PCBP3: variants seen among roughly 807,000 people sequenced by gnomAD.
PCBP3 encodes poly(rC)-binding protein 3.
Under a neutral mutation model 52.7 loss-of-function variants are expected in PCBP3, and 25 were observed. That is an observed-to-expected ratio of 0.47 (90% CI 0.35 to 0.66). The LOEUF is 0.66. PCBP3 is among the 30% of genes least tolerant of loss of function. PCBP3 has a pLI of 0.01. For missense variants in PCBP3, 391 were observed against 490.3 expected (o/e 0.80, Z 1.91); for synonymous variants, 162 against 183.0 (o/e 0.89, Z 0.93).
At chr21:45,723,804 C>T (rs1338878682) in intron 2 of PCBP3, among the ~76,000 whole-genome samples, 1 of 152,150 alleles carries the variant, frequency 6.6e-6, no homozygotes, top group East Asian at 1.9e-4. Context: ...TCAGTCATGT[C>T]ATGGCCATGC....
chr21:45,665,402 C>A (rs1673238613), intron 1 of PCBP3, among the ~76,000 whole-genome samples: 1 of 151,770 alleles, frequency 6.6e-6, no homozygotes, highest in Non-Finnish European at 1.5e-5. Context: ...AGTGAGATCC[C>A]ACCTTTAAAA....
chr21:45,872,414 T>G (rs1366091183), intron 5 of PCBP3: 1 of 152,256 alleles, frequency 6.6e-6, no homozygotes, highest in Non-Finnish European at 1.5e-5. Flanking sequence ...AGCTCCGTGC[T>G]GTACCCACCC....
At chr21:45,779,692 A>G (rs1199809330) in intron 4 of PCBP3, among the ~76,000 whole-genome samples, 1 of 152,224 alleles carries the variant, frequency 6.6e-6, no homozygotes. Context: ...AATATTGCCA[A>G]CAGAAATTGT....
At chr21:45,887,209 G>A (rs958939353) in intron 5 of PCBP3, among the ~76,000 whole-genome samples, 3 of 152,198 alleles carry the variant, frequency 2.0e-5, no homozygotes, top group African/African-American at 7.2e-5. Flanking sequence ...CCTTTCCTAC[G>A]CATTTCAGTC....
intron 13 of PCBP3, among the ~76,000 whole-genome samples, chr21:45,921,578 G>T (rs1464370069): frequency 6.6e-6 from 1 of 152,228 alleles, no homozygotes; most frequent in East Asian, 1.9e-4. Flanking sequence ...CCCTTTGGGA[G>T]GCTGAGGCAG....
At chr21:45,698,444 T>G (rs900795776) in intron 2 of PCBP3, among the ~76,000 whole-genome samples, 1 of 152,252 alleles carries the variant, frequency 6.6e-6, no homozygotes, top group African/African-American at 2.4e-5. Context: ...TTTGTTGGGC[T>G]GAATTTCTAG....
chr21:45,692,234 A>G (rs2082526964), intron 2 of PCBP3, among the ~76,000 whole-genome samples: 1 of 152,194 alleles, frequency 6.6e-6, no homozygotes. Context: ...TTGTAACTCA[A>G]AAAACTAGAA....
At chr21:45,825,088 A>G (rs754662070) in intron 4 of PCBP3, among the ~76,000 whole-genome samples, 24 of 152,178 alleles carry the variant, frequency 1.6e-4, no homozygotes, top group Non-Finnish European at 2.8e-4. Flanking sequence ...TGGCCTGCAT[A>G]CAGCAGGTGT....
At chr21:45,861,762 G>A (rs2094519026) in intron 5 of PCBP3, among the ~76,000 whole-genome samples, 1 of 152,084 alleles carries the variant, frequency 6.6e-6, no homozygotes, top group Non-Finnish European at 1.5e-5. Flanking sequence ...GCCTCCTTTG[G>A]CCCCAAAATT....
intron 2 of PCBP3, among the ~76,000 whole-genome samples, chr21:45,719,061 G>A (rs1019247482): frequency 1.3e-5 from 2 of 152,122 alleles, no homozygotes; most frequent in Admixed American, 6.5e-5. Context: ...CTAATGGGAC[G>A]GGAGGTCAGT....
intron 9 of PCBP3, chr21:45,901,693 GAGAGAGAGAGAGGAAGAC>G (rs2096052994): frequency 1.4e-5 from 2 of 146,340 alleles, no homozygotes; most frequent in Non-Finnish European, 2.9e-5. Flanking sequence ...ACAGAGAGAT[GAGAGAGAGAGAGGAAGAC>G]AGAGAGAGAG....
intron 2 of PCBP3, among the ~76,000 whole-genome samples, chr21:45,671,982 T>C (rs954721395): frequency 1.1e-4 from 17 of 152,116 alleles, no homozygotes. Context: ...GGGAGTGCTA[T>C]GGTTTGAATA....
In PCBP3 at chr21:45,900,923, C is replaced by T. The variant is rs574371148; in HGVS notation, c.223-74C>T. On this transcript the variant is annotated intron_variant, in intron 8 of 17. Transcript: ENST00000681687. ...GGCATGTGTTTGTGTCAATTGTCAA[C>T]GGACTTGCGGCCCCCGACCCACTGG... is the stretch of plus-strand genomic sequence containing the variant. 1.4e-4 allele frequency: 144 copies of T among 995,350 alleles called. No individual in the cohort carries two copies. The Admixed American group carries it at 1.7e-3, about 12-fold the overall frequency. 61.7% of individuals were successfully genotyped at this position (995,350 alleles called of 1,614,324 possible).
intron 5 of PCBP3, among the ~76,000 whole-genome samples, chr21:45,888,803 T>A (rs560077049): frequency 6.6e-6 from 1 of 152,278 alleles, no homozygotes; most frequent in Non-Finnish European, 1.5e-5. Context: ...AGTATCTACA[T>A]GGAATGATTG....
chr21:45,813,504 C>CG (rs969860426), intron 4 of PCBP3, among the ~76,000 whole-genome samples: 26 of 152,156 alleles, frequency 1.7e-4, no homozygotes, highest in Admixed American at 1.4e-3. Flanking sequence ...TGCAGTGGCA[C>CG]GATCTCAGCT....
intron 13 of PCBP3, among the ~76,000 whole-genome samples, chr21:45,924,179 C>T (rs879116206): frequency 1.0e-4 from 3 of 29,796 alleles, no homozygotes; most frequent in South Asian, 7.5e-4. Flanking sequence ...GGAACAGTCG[C>T]GTGGGTAGAA....
chr21:45,703,824 G>A (rs2083280712), intron 2 of PCBP3, among the ~76,000 whole-genome samples: 1 of 152,188 alleles, frequency 6.6e-6, no homozygotes, highest in Admixed American at 6.5e-5. Flanking sequence ...GAACATGCAT[G>A]TGACATGAAA....
chr21:45,786,687 G>A (rs544676156), intron 4 of PCBP3, among the ~76,000 whole-genome samples: 15 of 152,258 alleles, frequency 9.9e-5, no homozygotes, highest in African/African-American at 3.4e-4. Flanking sequence ...TGCTACGTTC[G>A]TTCCAACTCA....
intron 4 of PCBP3, among the ~76,000 whole-genome samples, chr21:45,781,758 G>A (rs554817819): frequency 1.3e-5 from 2 of 152,186 alleles, no homozygotes; most frequent in African/African-American, 2.4e-5. Flanking sequence ...TCTATATAAT[G>A]GAATACTGAG....
Sources: allele counts gnomAD v4.1 joint callset (sites outside exome capture counted in the v4.1 genomes callset), GRCh38; gene constraint gnomAD v4.1.1; transcripts MANE v1.5; gene names NCBI Gene and HGNC (gene_info 2026-07-23, HGNC 2026-07-21).